ZNF385D: variants seen among roughly 807,000 people sequenced by gnomAD.
ZNF385D encodes the protein zinc finger protein 659.
Under a neutral mutation model 35.8 loss-of-function variants are expected in ZNF385D, and 15 were observed. The observed-to-expected ratio is 0.42, with a 90% confidence interval of 0.28 to 0.64. ZNF385D has a LOEUF of 0.64. Among genes scored for constraint, ZNF385D ranks in the 30% least tolerant of loss-of-function variants. The probability of loss-of-function intolerance (pLI) is 0.23; values close to 1 mark genes in which losing one functional copy is unlikely to be tolerated. For missense variants in ZNF385D, 474 were observed against 494.6 expected, an observed-to-expected ratio of 0.96 and a Z score of 0.39; for synonymous variants, 212 against 186.8, an observed-to-expected ratio of 1.13 and a Z score of -1.10.
intron 2 of ZNF385D, among the ~76,000 whole-genome samples, chr3:22,177,384 C>T (rs548490175): frequency 2.6e-5 from 4 of 152,076 alleles, no homozygotes; most frequent in African/African-American, 9.7e-5. Context: ...TTATGTATAT[C>T]TGGTGAAAAG....
intron 3 of ZNF385D, among the ~76,000 whole-genome samples, chr3:22,130,741 T>C (rs1164704768): frequency 6.6e-6 from 1 of 152,158 alleles, no homozygotes; most frequent in Non-Finnish European, 1.5e-5. Context: ...TCTTTCCTGC[T>C]TCTTTCCTTG....
At chr3:21,444,433 G>A (rs1459369758) in intron 4 of ZNF385D, among the ~76,000 whole-genome samples, 2 of 140,504 alleles carry the variant, frequency 1.4e-5, no homozygotes, top group Middle Eastern at 5.0e-3. Flanking sequence ...CATCCTGGCT[G>A]TAGTGCAGTG....
At chr3:21,870,584 T>A (rs758481016) in intron 3 of ZNF385D, among the ~76,000 whole-genome samples, 10 of 152,194 alleles carry the variant, frequency 6.6e-5, no homozygotes, top group Non-Finnish European at 1.5e-4. Context: ...TCAATAAATG[T>A]CTTACTGTAT....
chr3:22,110,242 G>A (rs1702442215), intron 3 of ZNF385D, among the ~76,000 whole-genome samples: 1 of 151,916 alleles, frequency 6.6e-6, no homozygotes, highest in Admixed American at 6.6e-5. Context: ...ATTCCTCAGG[G>A]ATCTAGAACT....
intron 2 of ZNF385D, among the ~76,000 whole-genome samples, chr3:21,653,350 GTTTC>G (rs941080009): frequency 1.3e-5 from 2 of 148,962 alleles, no homozygotes; most frequent in Admixed American, 6.8e-5. Context: ...TGTTTATATT[GTTTC>G]TTTTTTTGCT....
intron 3 of ZNF385D, among the ~76,000 whole-genome samples, chr3:21,928,136 A>G (rs982741741): frequency 1.3e-5 from 2 of 152,048 alleles, no homozygotes; most frequent in African/African-American, 2.4e-5. Flanking sequence ...AGATGAGGCC[A>G]GGTGTTCACA....
intron 3 of ZNF385D, among the ~76,000 whole-genome samples, chr3:21,958,005 G>A (rs1369582006): frequency 1.3e-5 from 2 of 152,036 alleles, no homozygotes; most frequent in African/African-American, 2.4e-5. Context: ...CAAGATCACC[G>A]CCAGTGTGCC....
chr3:22,181,442 A>C (rs1035702185), intron 2 of ZNF385D, among the ~76,000 whole-genome samples: 8 of 152,042 alleles, frequency 5.3e-5, no homozygotes, highest in African/African-American at 1.9e-4. Context: ...CAAGCCTGTA[A>C]TCCCAGCACT....
At chr3:21,861,025 T>C (rs1215601858) in intron 3 of ZNF385D, among the ~76,000 whole-genome samples, 1 of 152,150 alleles carries the variant, frequency 6.6e-6, no homozygotes, top group South Asian at 2.1e-4. Flanking sequence ...TACCTTGCAA[T>C]ACTTAAAATA....
intron 2 of ZNF385D, among the ~76,000 whole-genome samples, chr3:22,183,123 TTC>T (rs1695394984): frequency 6.6e-6 from 1 of 152,170 alleles, no homozygotes; most frequent in Non-Finnish European, 1.5e-5. Flanking sequence ...TTCTGTCCAC[TTC>T]TATTAATGAA....
chr3:21,431,259 A>T lies in ZNF385D; in HGVS notation c.674-5589T>A, dbSNP rs374735903. 4 of 152,182 alleles carry T rather than the reference A, an allele frequency of 2.6e-5. No homozygotes were observed. The South Asian group carries it at 8.3e-4, about 31-fold the overall frequency. 9.4% of individuals were successfully genotyped at this position (152,182 alleles called of 1,614,324 possible). Reference sequence around the variant, plus strand: ...TCTTGACACATTTCTGAAGTCACTCATTCTGGTTGTTAATCAGTGAGAAGT... The same window carrying T: ...TCTTGACACATTTCTGAAGTCACTCTTTCTGGTTGTTAATCAGTGAGAAGT... On this transcript the variant is annotated intron_variant, in intron 5 of 7. Coordinates refer to ENST00000281523, the MANE Select transcript of ZNF385D (RefSeq NM_024697.3).
chr3:21,867,347 C>G (rs920093222), intron 3 of ZNF385D, among the ~76,000 whole-genome samples: 4 of 152,132 alleles, frequency 2.6e-5, no homozygotes, highest in South Asian at 2.1e-4. Context: ...GACCTTAGCA[C>G]CCATTAAATC....
At chr3:22,146,968 C>T (rs760529885) in intron 3 of ZNF385D, among the ~76,000 whole-genome samples, 3 of 152,086 alleles carry the variant, frequency 2.0e-5, no homozygotes, top group Non-Finnish European at 4.4e-5. Context: ...CAGAAAATAA[C>T]AGTAAGCTAA....
chr3:22,117,157 C>T (rs1300599434), intron 3 of ZNF385D, among the ~76,000 whole-genome samples: 1 of 151,916 alleles, frequency 6.6e-6, no homozygotes, highest in East Asian at 1.9e-4. Context: ...CTTATGTTAA[C>T]AAACAGAAAA....
chr3:21,657,279 C>T (rs1363136040), intron 2 of ZNF385D, among the ~76,000 whole-genome samples: 2 of 151,888 alleles, frequency 1.3e-5, no homozygotes, highest in Non-Finnish European at 2.9e-5. Flanking sequence ...GCTACCTATT[C>T]AAAGAGTAAA....
At chr3:21,533,992 AGAG>A (rs1166446601) in intron 3 of ZNF385D, among the ~76,000 whole-genome samples, 5 of 152,270 alleles carry the variant, frequency 3.3e-5, no homozygotes, top group Middle Eastern at 3.4e-3. Flanking sequence ...TCAAATATGA[AGAG>A]GAAAGAAAAT....
chr3:22,190,156 T>C (rs184894657), intron 2 of ZNF385D, among the ~76,000 whole-genome samples: 100 of 152,282 alleles, frequency 6.6e-4, no homozygotes, highest in African/African-American at 2.2e-3. Context: ...TGAGGAGTAA[T>C]TTCTAAAACA....
rs141517740 is a variant in ZNF385D at position 22,243,649 on chromosome 3, T to C, written c.107-74614A>G. 3.1e-3 allele frequency among the ~76,000 whole-genome samples: 469 copies of C among 151,170 alleles called. 30 individuals are homozygous for C. The highest frequency in any genetic ancestry group is 0.011 in the African/African-American group (434 of 40,970). ...GGCAATGAAAATGAAAATCAAAAGATGTTAGAACACTTCAAAGGCAAGAAC... is the reference window on the plus strand; with the variant it reads ...GGCAATGAAAATGAAAATCAAAAGACGTTAGAACACTTCAAAGGCAAGAAC... On this transcript the variant is annotated intron_variant, in intron 2 of 5. Transcript: ENST00000494108.
chr3:22,202,786 G>A (rs1010662402), intron 2 of ZNF385D, among the ~76,000 whole-genome samples: 11 of 152,104 alleles, frequency 7.2e-5, no homozygotes, highest in Non-Finnish European at 1.2e-4. Flanking sequence ...TGCATGGGCA[G>A]GCTGTGCTCC....
Sources: gnomAD v4.1 joint callset for allele counts (sites outside exome capture counted in the v4.1 genomes callset) on GRCh38, gnomAD v4.1.1 for gene constraint, MANE v1.5 for transcripts, NCBI Gene and HGNC (gene_info 2026-07-23, HGNC 2026-07-21) for gene names.